KLHL1: variants seen among roughly 807,000 people sequenced by gnomAD.
The protein encoded by KLHL1 is kelch-like protein 1.
A neutral mutation model predicts 77.7 loss-of-function variants in KLHL1; 47 were observed. The observed-to-expected ratio is 0.60, with a 90% confidence interval of 0.48 to 0.77. The LOEUF is 0.77. KLHL1 is among the 30% of genes least tolerant of loss of function. The pLI is 0.00. For missense variants in KLHL1, 925 were observed against 910.8 expected (o/e 1.02, Z -0.20); for synonymous variants, 360 against 325.2 (o/e 1.11, Z -1.15).
intron 1 of KLHL1, among the ~76,000 whole-genome samples, chr13:70,093,317 C>T (rs973736931): frequency 7.9e-5 from 12 of 152,220 alleles, no homozygotes; most frequent in African/African-American, 1.2e-4. Context: ...TGCAAGTTTT[C>T]GTACCTCCTC....
chr13:69,951,708 C>A (rs140738517), intron 3 of KLHL1, among the ~76,000 whole-genome samples: 1 of 151,480 alleles, frequency 6.6e-6, no homozygotes, highest in African/African-American at 2.4e-5. Flanking sequence ...ATCTTGGTTT[C>A]CAAAATATGC....
At chr13:69,779,402 TCCC>T (rs1876016763) in intron 7 of KLHL1, among the ~76,000 whole-genome samples, 1 of 143,196 alleles carries the variant, frequency 7.0e-6, no homozygotes, top group Non-Finnish European at 1.5e-5. Flanking sequence ...CCTCCCCTCT[TCCC>T]TCCTTTCCTT....
At chr13:70,092,951 C>T (rs954555120) in intron 1 of KLHL1, among the ~76,000 whole-genome samples, 2 of 151,952 alleles carry the variant, frequency 1.3e-5, no homozygotes, top group African/African-American at 4.8e-5. Context: ...TAGAATAATA[C>T]TTATGAAACT....
intron 7 of KLHL1, among the ~76,000 whole-genome samples, chr13:69,788,946 T>TAACA (rs1420613616): frequency 1.3e-5 from 2 of 150,634 alleles, no homozygotes; most frequent in Non-Finnish European, 3.0e-5. Flanking sequence ...GTCATAGTTC[T>TAACA]AACACTGTTT....
At chr13:70,024,549 A>G (rs1422359840) in intron 1 of KLHL1, among the ~76,000 whole-genome samples, 2 of 150,602 alleles carry the variant, frequency 1.3e-5, no homozygotes, top group Non-Finnish European at 3.0e-5. Context: ...TTGTCTTTTT[A>G]GTTAGTATTC....
At chr13:69,768,794 A>G (rs1875432207) in intron 7 of KLHL1, among the ~76,000 whole-genome samples, 1 of 152,174 alleles carries the variant, frequency 6.6e-6, no homozygotes, top group Non-Finnish European at 1.5e-5. Flanking sequence ...ATTTTATTCT[A>G]GATCCTACTC....
chr13:69,978,765 G>A (rs1056417415), intron 1 of KLHL1, among the ~76,000 whole-genome samples: 2 of 152,156 alleles, frequency 1.3e-5, no homozygotes, highest in Admixed American at 6.5e-5. Flanking sequence ...GGGATTACAG[G>A]CGTGAGCCAC....
At chr13:69,883,418 T>C (rs1881074967) in intron 4 of KLHL1, among the ~76,000 whole-genome samples, 1 of 152,214 alleles carries the variant, frequency 6.6e-6, no homozygotes. Flanking sequence ...CATTTCAAGA[T>C]TCAATGCAAG....
At chr13:69,855,867 ATATAT>A (rs1315771928) in intron 5 of KLHL1, among the ~76,000 whole-genome samples, 4 of 138,876 alleles carry the variant, frequency 2.9e-5, no homozygotes, top group Non-Finnish European at 6.2e-5. Flanking sequence ...ATAATATATT[ATATAT>A]TATATATGTT....
intron 2 of KLHL1, among the ~76,000 whole-genome samples, chr13:69,974,515 A>G (rs996725927): frequency 6.6e-6 from 1 of 151,926 alleles, no homozygotes; most frequent in Non-Finnish European, 1.5e-5. Flanking sequence ...AATGAAAAAG[A>G]AAATGTTGAA....
intron 2 of KLHL1, among the ~76,000 whole-genome samples, chr13:69,970,945 G>T (rs953186344): frequency 6.6e-6 from 1 of 152,014 alleles, no homozygotes; most frequent in African/African-American, 2.4e-5. Context: ...TTCATGCCTG[G>T]ATTAACCAAA....
chr13:70,010,072 A>G (rs1331846760), intron 1 of KLHL1, among the ~76,000 whole-genome samples: 1 of 152,110 alleles, frequency 6.6e-6, no homozygotes. Flanking sequence ...GTAGTTTCAA[A>G]ACAAGGAAAC....
chr13:69,858,324 A>T (rs568440724), intron 5 of KLHL1, among the ~76,000 whole-genome samples: 52 of 152,248 alleles, frequency 3.4e-4, no homozygotes, highest in Middle Eastern at 6.8e-3. Context: ...CCTAATAAGG[A>T]CTTTGAACTT....
At chr13:69,823,405 G>C (rs1303477947) in intron 6 of KLHL1, among the ~76,000 whole-genome samples, 2 of 152,006 alleles carry the variant, frequency 1.3e-5, no homozygotes, top group East Asian at 3.9e-4. Context: ...ATTTGGGGTT[G>C]TTGGTGAGGC....
chr13:69,928,992 C>A (rs1439616224), intron 4 of KLHL1, among the ~76,000 whole-genome samples: 2 of 152,028 alleles, frequency 1.3e-5, no homozygotes, highest in Non-Finnish European at 2.9e-5. Context: ...AATTATTGAT[C>A]ATCTCTTATG....
At chr13:69,743,202 G>C (rs769920335) in intron 7 of KLHL1, among the ~76,000 whole-genome samples, 5 of 152,110 alleles carry the variant, frequency 3.3e-5, no homozygotes, top group African/African-American at 4.8e-5. Context: ...TTTGAAGTTT[G>C]TTATAAGAGC....
chr13:69,781,272 CCTTTTTTTCTTT>C, intron 7 of KLHL1, among the ~76,000 whole-genome samples: 1 of 145,444 alleles, frequency 6.9e-6, no homozygotes, highest in South Asian at 2.2e-4. Flanking sequence ...TTGAGAGACT[CCTTTTTTTCTTT>C]CTTTTTTTTT....
chr13:69,888,102 G>T (rs371288682), intron 4 of KLHL1, among the ~76,000 whole-genome samples: 1 of 152,096 alleles, frequency 6.6e-6, no homozygotes, highest in Non-Finnish European at 1.5e-5. Flanking sequence ...TTTGGCGAGG[G>T]CTCCTTCCTT....
intron 2 of KLHL1, among the ~76,000 whole-genome samples, chr13:69,970,814 C>T (rs1221975404): frequency 6.6e-6 from 1 of 152,084 alleles, no homozygotes; most frequent in East Asian, 1.9e-4. Context: ...TGAGGTCAGC[C>T]TTTAAATCCA....
Sources: gnomAD v4.1 joint callset for allele counts (sites outside exome capture counted in the v4.1 genomes callset) on GRCh38, gnomAD v4.1.1 for gene constraint, MANE v1.5 for transcripts, NCBI Gene and HGNC (gene_info 2026-07-23, HGNC 2026-07-21) for gene names.